TEKT2: variants seen among roughly 807,000 people sequenced by gnomAD.
TEKT2 encodes the protein tektin 2, also known as tektin-2.
Under a neutral mutation model 49.8 loss-of-function variants are expected in TEKT2, and 45 were observed. That is an observed-to-expected ratio of 0.90 (90% confidence interval 0.71 to 1.16). The LOEUF (loss-of-function observed/expected upper bound fraction) is 1.16. Ranked by LOEUF, TEKT2 falls within the 50% of genes most tolerant of loss-of-function variation. The pLI is 0.00. For missense variants in TEKT2, 523 were observed against 551.4 expected, an observed-to-expected ratio of 0.95 and a Z score of 0.52; for synonymous variants, 202 against 224.6, an observed-to-expected ratio of 0.90 and a Z score of 0.90.
chr1:36,085,096 G>A lies in TEKT2; in HGVS notation c.156+19G>A. The A allele has an allele frequency of 6.2e-7, 1 of 1,614,212 alleles. No homozygotes were observed. Among genetic ancestry groups the A allele is most frequent in the Non-Finnish European group, 8.5e-7 (1 of 1,180,054 alleles). On this transcript the variant is annotated intron_variant, in intron 2 of 9. Transcript: ENST00000207457. Reference sequence around the variant, plus strand: ...CAACCAGGTTGGGGATGGGAACTCAGCTGGGTGGGCAAAGGGATAGCCCCC... The same window carrying A: ...CAACCAGGTTGGGGATGGGAACTCAACTGGGTGGGCAAAGGGATAGCCCCC...
Position 36,087,163 on chromosome 1 carries a change from T to C in TEKT2, c.748-41T>C. On this transcript the variant is annotated intron_variant, in intron 6 of 9. Coordinates refer to ENST00000207457, the MANE Select transcript of TEKT2 (RefSeq NM_014466.3). The surrounding 1 kb of genome is among the most constrained non-coding windows in gnomAD (Gnocchi z 4.9). ...CTTGAGTAATATCCTCAGGCAGCCC[T>C]GAGTGTAGACCCTCCCCTTGCCCTG... 6.2e-7 allele frequency: 1 copy of C among 1,612,262 alleles called. No individual in the cohort carries two copies. The highest frequency in any genetic ancestry group is 8.5e-7 in the Non-Finnish European group (1 of 1,178,558).
rs150903707 is a variant in TEKT2 at position 36,086,981 on chromosome 1, G to C, written c.683G>C (p.Arg228Pro). 6.2e-7 allele frequency: 1 copy of C among 1,613,912 alleles called. No individual in the cohort carries two copies. The highest frequency in any genetic ancestry group is 8.5e-7 in the Non-Finnish European group (1 of 1,180,030). The change falls in exon 6 of 10, where the codon CGA becomes CCA. Residue 228 changes from arginine (R) to proline (P), a missense_variant. Arg to Pro is a moderately radical substitution (Grantham distance 103). Transcript: ENST00000207457. ...WDDFSRFNKD[R>P]AEAEMKAATE... ...GACTTCAGTCGGTTCAACAAGGACCGAGCGGAGGCTGAGATGAAGGCAGCC... is the reference window on the plus strand; with the variant it reads ...GACTTCAGTCGGTTCAACAAGGACCCAGCGGAGGCTGAGATGAAGGCAGCC...
At position 36,087,941 on chromosome 1, in the gene TEKT2, G is replaced by C. The variant is rs755388512; in HGVS notation, c.1080-32G>C. 1.0e-5 allele frequency: 16 copies of C among 1,599,112 alleles called. No homozygotes were observed. Among genetic ancestry groups the C allele is most frequent in the Middle Eastern group, 1.8e-4 (1 of 5,684 alleles). Reference sequence around the variant, plus strand: ...GCAGCCCAGGCCTCCCAGCCTCATGGGGGCTGGGGGGTTGTCAATGTCCTT... The same window carrying C: ...GCAGCCCAGGCCTCCCAGCCTCATGCGGGCTGGGGGGTTGTCAATGTCCTT... On this transcript the variant is annotated intron_variant, in intron 9 of 9. Coordinates refer to ENST00000207457, the MANE Select transcript of TEKT2 (RefSeq NM_014466.3). This position sits in a 1 kb window ranked among gnomAD's most constrained non-coding sequence, Gnocchi z 4.9.
At position 36,087,952 on chromosome 1, in the gene TEKT2, G is replaced by A. The variant is rs1283220552; in HGVS notation, c.1080-21G>A. ...CTCCCAGCCTCATGGGGGCTGGGGG[G>A]TTGTCAATGTCCTTCCCTAGGGACG... On this transcript the variant is annotated intron_variant, in intron 9 of 9. Coordinates refer to ENST00000207457, the MANE Select transcript of TEKT2 (RefSeq NM_014466.3). This position sits in a 1 kb window ranked among gnomAD's most constrained non-coding sequence, Gnocchi z 4.9. 1 of 1,603,378 alleles carries A rather than the reference G, an allele frequency of 6.2e-7. No homozygotes were observed. Among genetic ancestry groups the A allele is most frequent in the East Asian group, 2.2e-5 (1 of 44,558 alleles).
Position 36,085,995 on chromosome 1 carries a change from A to T in TEKT2, c.442A>T (p.Lys148Ter). 6.2e-7 allele frequency: 1 copy of T among 1,607,046 alleles called. No individual in the cohort carries two copies. The highest frequency in any genetic ancestry group is 1.1e-5 in the South Asian group (1 of 89,854). ...HKEVEVIEAT[K>*]KALQQKVSQA... ...AGAGGTGGAGGTCATCGAGGCCACC[A>T]AGAAGGCCTTGCAACAGAAGGTCAG... Residue 148 changes from lysine (K) to a stop codon, truncating the protein, a stop_gained, in exon 4 of 10, where the codon AAG becomes TAG. Transcript: ENST00000207457. LOFTEE classifies it high-confidence loss of function.
intron 4 of TEKT2, 118 bp from the exon 5 acceptor site, chr1:36,086,586 T>C (rs1314429361): frequency 2.2e-6 from 3 of 1,355,336 alleles, no homozygotes; most frequent in Non-Finnish European, 3.1e-6. Context: ...TGAAGCTCCA[T>C]TGTCTTCTGC....
At chr1:36,085,507 C>CTTTTTTTTTTTTTTTTTTTTTTTTTTTTT (rs1159834731) in intron 3 of TEKT2, among the ~76,000 whole-genome samples, 8 of 82,554 alleles carry the variant, frequency 9.7e-5, no homozygotes, top group African/African-American at 1.1e-4. Context: ...TCTTTCTTTT[C>CTTTTTTTTTTTTTTTTTTTTTTTTTTTTT]TTTTTTTTTT....
rs528831582 is a variant in TEKT2 at position 36,084,785 on chromosome 1, T to C, written c.-52-85T>C. ...CAGCAGGACAGGGCTCAGAGCAAAA[T>C]GGACAGGAACAAGTCCTGCGCAGGG... is the stretch of plus-strand genomic sequence containing the variant. On this transcript the variant is annotated intron_variant, in intron 1 of 9. Transcript: ENST00000207457. The surrounding 1 kb of genome is among the most constrained non-coding windows in gnomAD (Gnocchi z 4.1). 34 of 1,342,198 alleles carry C rather than the reference T, an allele frequency of 2.5e-5. No homozygotes were observed. In the African/African-American group the frequency reaches 4.2e-4, roughly 16 times the overall value. The allele number at this position is 1,342,198 out of a possible 1,614,324, so 83.1% of individuals were successfully genotyped here.
Position 36,086,921 on chromosome 1 carries a change from C to T in TEKT2, c.633-10C>T. ...ACCCTCATGACCCCCATTTTCCCTG[C>T]CACCTGCAGCTCCACCACACTCCAG... is the stretch of plus-strand genomic sequence containing the variant. On this transcript the variant is annotated splice_polypyrimidine_tract_variant and intron_variant, in intron 5 of 9. Coordinates refer to ENST00000207457, the MANE Select transcript of TEKT2 (RefSeq NM_014466.3). 1 of 1,613,862 alleles carries T rather than the reference C, an allele frequency of 6.2e-7. No homozygotes were observed.
In TEKT2 at chr1:36,087,143, G is replaced by A. The variant is rs182002296; in HGVS notation, c.748-61G>A. ...ATGTGGCCCCCTGCCCCTCGCTTGA[G>A]TAATATCCTCAGGCAGCCCTGAGTG... On this transcript the variant is annotated intron_variant, in intron 6 of 9. Coordinates refer to ENST00000207457, the MANE Select transcript of TEKT2 (RefSeq NM_014466.3). The surrounding 1 kb of genome is among the most constrained non-coding windows in gnomAD (Gnocchi z 4.9). 4.2e-5 allele frequency: 68 copies of A among 1,609,868 alleles called. No individual in the cohort carries two copies. The Admixed American group carries it at 5.2e-4, about 12-fold the overall frequency.
Position 36,084,745 on chromosome 1 carries a change from C to A in TEKT2, c.-52-125C>A. 1.1e-6 allele frequency: 1 copy of A among 883,440 alleles called. No homozygotes were observed. The highest frequency in any genetic ancestry group is 1.8e-6 in the Non-Finnish European group (1 of 549,230). The allele number at this position is 883,440 out of a possible 1,614,324, so 54.7% of individuals were successfully genotyped here. A position where few individuals can be genotyped will look rare whatever the true frequency, so the allele number is the denominator to read the frequency against. On this transcript the variant is annotated intron_variant, in intron 1 of 9. Transcript: ENST00000207457. This position sits in a 1 kb window ranked among gnomAD's most constrained non-coding sequence, Gnocchi z 4.1. Reference sequence around the variant, plus strand: ...CAAAGTTGAGTAAAGCAAGGGCTGTCTCCAAGCAGGCTTCCAGCAGGACAG... The same window carrying A: ...CAAAGTTGAGTAAAGCAAGGGCTGTATCCAAGCAGGCTTCCAGCAGGACAG...
chr1:36,087,794 C>T lies in TEKT2; in HGVS notation c.1066C>T (p.Leu356=), dbSNP rs752006338. Residue 356 remains leucine (L), a synonymous_variant, in exon 9 of 10, where the codon CTG becomes TTG. Transcript: ENST00000207457. The surrounding 1 kb of genome is among the most constrained non-coding windows in gnomAD (Gnocchi z 4.9). ...AACCATCGCTGCCCTGAAGCAGAAG[C>T]TGGCGCAAGCACAGTAGGTCTCGGG... ...EATIAALKQK[L]AQAQDALDAL... The T allele has an allele frequency of 6.2e-7, 1 of 1,613,800 alleles. No homozygotes were observed. Among genetic ancestry groups the T allele is most frequent in the Non-Finnish European group, 8.5e-7 (1 of 1,180,020 alleles).
Position 36,085,244 on chromosome 1 carries a change from A to C in TEKT2, c.238A>C (p.Lys80Gln). Residue 80 changes from lysine to glutamine, a missense_variant, in exon 3 of 10, where the codon AAG becomes CAG. Coordinates refer to ENST00000207457, the MANE Select transcript of TEKT2 (RefSeq NM_014466.3). ...TVNRWKEMLD[K>Q]CLTDLDAEID... ...CAACCGGTGGAAGGAGATGCTGGACAAGTGTCTGACAGATTTAGATGCCGA... is the reference window on the plus strand; with the variant it reads ...CAACCGGTGGAAGGAGATGCTGGACCAGTGTCTGACAGATTTAGATGCCGA... The C allele has an allele frequency of 1.9e-6, 3 of 1,614,186 alleles. No homozygotes were observed. Among genetic ancestry groups the C allele is most frequent in the Non-Finnish European group, 2.5e-6 (3 of 1,180,040 alleles).
chr1:36,085,098 T>C (rs1643347180), intron 2 of TEKT2, 21 bp downstream of exon 2: 1 of 1,614,086 alleles, frequency 6.2e-7, no homozygotes, highest in African/African-American at 1.3e-5. Context: ...GGAACTCAGC[T>C]GGGTGGGCAA....
rs1348275048 is a variant in TEKT2, at chr1:36,085,241, G to A, written c.235G>A (p.Asp79Asn). 6.2e-7 allele frequency: 1 copy of A among 1,614,178 alleles called. No individual in the cohort carries two copies. Among genetic ancestry groups the A allele is most frequent in the Non-Finnish European group, 8.5e-7 (1 of 1,180,032 alleles). Residue 79 changes from aspartate to asparagine, a missense_variant, in exon 3 of 10, where the codon GAC becomes AAC. Transcript: ENST00000207457. ...TGTCAACCGGTGGAAGGAGATGCTGGACAAGTGTCTGACAGATTTAGATGC... is the reference window on the plus strand; with the variant it reads ...TGTCAACCGGTGGAAGGAGATGCTGAACAAGTGTCTGACAGATTTAGATGC... ...DTVNRWKEMLDKCLTDLDAEI... is the reference protein window; with the variant it reads ...DTVNRWKEMLNKCLTDLDAEI...
rs1159834731 is a variant in TEKT2 at position 36,085,507 on chromosome 1, C to CTTTTTTTTTTTTTTTTTTTTTTTTT, written c.282+220_282+244dup. 7.3e-5 allele frequency among the ~76,000 whole-genome samples: 6 copies of CTTTTTTTTTTTTTTTTTTTTTTTTT among 82,554 alleles called. 1 individual carries two copies. Among genetic ancestry groups the CTTTTTTTTTTTTTTTTTTTTTTTTT allele is most frequent in the Non-Finnish European group, 1.3e-4 (6 of 47,368 alleles). 54.2% of individuals were successfully genotyped at this position (82,554 alleles called of 152,430 possible). ...TTCTTTTTTTTTCTTTCTTTCTTTT[C>CTTTTTTTTTTTTTTTTTTTTTTTTT]TTTTTTTTTTTTTTTTTTTTTTTTT... On this transcript the variant is annotated intron_variant, in intron 3 of 9. Transcript: ENST00000207457.
chr1:36,085,279 C>T lies in TEKT2; in HGVS notation c.273C>T (p.Ala91=). The change falls in exon 3 of 10, where the codon GCC becomes GCT. Residue 91 remains alanine (A), a synonymous_variant. Coordinates refer to ENST00000207457, the MANE Select transcript of TEKT2 (RefSeq NM_014466.3). ...CAGATTTAGATGCCGAGATCGATGCCCTGACACAGGCAGGGATCCAGGACT... is the reference window on the plus strand; with the variant it reads ...CAGATTTAGATGCCGAGATCGATGCTCTGACACAGGCAGGGATCCAGGACT... The part of the protein sequence containing the change: ...CLTDLDAEID[A]LTQMKESAEQ... The T allele has an allele frequency of 6.2e-7, 1 of 1,613,956 alleles. No homozygotes were observed. Among genetic ancestry groups the T allele is most frequent in the Non-Finnish European group, 8.5e-7 (1 of 1,180,018 alleles).
In TEKT2 at chr1:36,086,672, G is replaced by A. The variant is rs758793188; in HGVS notation, c.489-32G>A. Reference sequence around the variant, plus strand: ...TGAGGCCTGCCTCTGGCCCTTGGGGGATGGTCCTGATGGAGTCTGCGCTTT... The same window carrying A: ...TGAGGCCTGCCTCTGGCCCTTGGGGAATGGTCCTGATGGAGTCTGCGCTTT... On this transcript the variant is annotated intron_variant, in intron 4 of 9. Transcript: ENST00000207457. The A allele has an allele frequency of 4.3e-6, 7 of 1,613,834 alleles. No homozygotes were observed. In the South Asian group the frequency reaches 6.6e-5, roughly 15 times the overall value.
At position 36,084,420 on chromosome 1, in the gene TEKT2, G is replaced by A. The variant is rs1643333663; in HGVS notation, c.-53+271G>A. 1 of 161,484 alleles carries A rather than the reference G, an allele frequency of 6.2e-6. No individual in the cohort carries two copies. Among genetic ancestry groups the A allele is most frequent in the East Asian group, 1.8e-4 (1 of 5,682 alleles). 10.0% of individuals were successfully genotyped at this position (161,484 alleles called of 1,614,324 possible). A position where few individuals can be genotyped will look rare whatever the true frequency, so the allele number is the denominator to read the frequency against. ...AGCTCCCCAGTGCCAACAGGCACGC[G>A]TCCCTGGAGACAGAACAGGGCTCCT... On this transcript the variant is annotated intron_variant, in intron 1 of 9. Coordinates refer to ENST00000207457, the MANE Select transcript of TEKT2 (RefSeq NM_014466.3). This position sits in a 1 kb window ranked among gnomAD's most constrained non-coding sequence, Gnocchi z 4.1.
Sources: gnomAD v4.1 joint callset for allele counts (sites outside exome capture counted in the v4.1 genomes callset) on GRCh38, gnomAD v4.1.1 for gene constraint, Gnocchi (gnomAD v3.1) non-coding constraint, MANE v1.5 for transcripts, NCBI Gene and HGNC (gene_info 2026-07-23, HGNC 2026-07-21) for gene names.